KHDRBS3: variants seen among roughly 807,000 people sequenced by gnomAD.
KHDRBS3 encodes the protein KH RNA binding domain containing, signal transduction associated 3.
A neutral mutation model predicts 45.6 loss-of-function variants in KHDRBS3; 23 were observed. The ratio of observed to expected loss-of-function variants is 0.50; its 90% CI spans 0.36 to 0.72. KHDRBS3 has a LOEUF of 0.72. Ranked by LOEUF, KHDRBS3 falls within the 30% of genes least tolerant of loss-of-function variation. The probability of loss-of-function intolerance (pLI) is 0.00; values close to 1 mark genes in which losing one functional copy is unlikely to be tolerated. For missense variants in KHDRBS3, 352 were observed against 424.8 expected, an observed-to-expected ratio of 0.83 and a Z score of 1.51; for synonymous variants, 162 against 156.5, an observed-to-expected ratio of 1.04 and a Z score of -0.26.
intron 7 of KHDRBS3, among the ~76,000 whole-genome samples, chr8:135,624,194 C>G (rs1489027933): frequency 6.6e-6 from 1 of 152,122 alleles, no homozygotes; most frequent in Non-Finnish European, 1.5e-5. Flanking sequence ...GCCAGAGGTC[C>G]AGAAAGAATT....
At chr8:135,557,947 T>C (rs1438873058) in intron 5 of KHDRBS3, among the ~76,000 whole-genome samples, 1 of 152,226 alleles carries the variant, frequency 6.6e-6, no homozygotes, top group Non-Finnish European at 1.5e-5. Flanking sequence ...GTGACACTTA[T>C]TAGCTGATGA....
intron 5 of KHDRBS3, among the ~76,000 whole-genome samples, chr8:135,561,004 C>T (rs964101767): frequency 2.6e-5 from 4 of 152,172 alleles, no homozygotes; most frequent in Non-Finnish European, 5.9e-5. Flanking sequence ...CTTGTTTCTA[C>T]AGTACAATGT....
intron 7 of KHDRBS3, among the ~76,000 whole-genome samples, chr8:135,624,525 C>T (rs1251101122): frequency 6.6e-6 from 1 of 152,206 alleles, no homozygotes; most frequent in Non-Finnish European, 1.5e-5. Context: ...GACTAAAACA[C>T]ATCCTCTGTT....
At chr8:135,536,328 T>C (rs906077363) in intron 2 of KHDRBS3, among the ~76,000 whole-genome samples, 16 of 151,212 alleles carry the variant, frequency 1.1e-4, no homozygotes, top group African/African-American at 3.9e-4. Flanking sequence ...AATGTGCAGT[T>C]CTTGGAGCAC....
intron 4 of KHDRBS3, among the ~76,000 whole-genome samples, chr8:135,555,342 G>A (rs1395402529): frequency 1.3e-5 from 2 of 151,608 alleles, no homozygotes; most frequent in South Asian, 2.1e-4. Flanking sequence ...GCACAAATCC[G>A]TAAACTCTCT....
At chr8:135,655,638 A>G (rs1831517088) in intron 4 of KHDRBS3, among the ~76,000 whole-genome samples, 1 of 152,344 alleles carries the variant, frequency 6.6e-6, no homozygotes, top group South Asian at 2.1e-4. Context: ...TGTGGTATCA[A>G]ACACTTACCT....
At chr8:135,476,246 C>T (rs143638619) in intron 1 of KHDRBS3, among the ~76,000 whole-genome samples, 1 of 152,004 alleles carries the variant, frequency 6.6e-6, no homozygotes, top group African/African-American at 2.4e-5. Context: ...TGGGTTCAAG[C>T]GATTCTCCTG....
chr8:135,615,912 C>T (rs1829895435), intron 7 of KHDRBS3, among the ~76,000 whole-genome samples: 1 of 152,160 alleles, frequency 6.6e-6, no homozygotes. Context: ...GTCTGAGAAG[C>T]AAGACTGAGC....
At chr8:135,570,749 G>A (rs981212964) in intron 5 of KHDRBS3, among the ~76,000 whole-genome samples, 8 of 152,090 alleles carry the variant, frequency 5.3e-5, no homozygotes, top group Non-Finnish European at 8.8e-5. Flanking sequence ...CCTGGCATGA[G>A]TACCCCACAT....
intron 1 of KHDRBS3, among the ~76,000 whole-genome samples, chr8:135,483,041 A>G (rs980062116): frequency 6.6e-6 from 1 of 152,092 alleles, no homozygotes; most frequent in African/African-American, 2.4e-5. Context: ...AGACAATATC[A>G]TTATTTGTTT....
intron 3 of KHDRBS3, among the ~76,000 whole-genome samples, 198 bp from the exon 4 acceptor site, chr8:135,548,556 G>A (rs540795138): frequency 6.6e-6 from 1 of 152,306 alleles, no homozygotes; most frequent in Admixed American, 6.5e-5. Context: ...AAGCCTTTGA[G>A]TGTGTGTAAA....
intron 1 of KHDRBS3, among the ~76,000 whole-genome samples, chr8:135,459,851 GC>G (rs1821341154): frequency 6.6e-6 from 1 of 152,132 alleles, no homozygotes. Flanking sequence ...GGGAAATGTT[GC>G]CATTTAGTGT....
chr8:135,519,962 A>T (rs1824824224), intron 1 of KHDRBS3, among the ~76,000 whole-genome samples: 1 of 152,168 alleles, frequency 6.6e-6, no homozygotes, highest in Non-Finnish European at 1.5e-5. Context: ...AATCTTTCTT[A>T]CTTGTTTTTC....
At chr8:135,603,955 C>A (rs28453695) in intron 6 of KHDRBS3, among the ~76,000 whole-genome samples, 2 of 145,518 alleles carry the variant, frequency 1.4e-5, no homozygotes, top group Admixed American at 6.9e-5. Flanking sequence ...TTTTTTTTTT[C>A]TTTTTTGACC....
intron 4 of KHDRBS3, among the ~76,000 whole-genome samples, chr8:135,652,814 A>G (rs1200487283): frequency 6.6e-6 from 1 of 152,012 alleles, no homozygotes; most frequent in Non-Finnish European, 1.5e-5. Flanking sequence ...CTTTCCTCCC[A>G]CCAGATTGTA....
At chr8:135,565,121 A>G (rs1827349430) in intron 5 of KHDRBS3, among the ~76,000 whole-genome samples, 2 of 152,318 alleles carry the variant, frequency 1.3e-5, no homozygotes, top group South Asian at 2.1e-4. Flanking sequence ...ACTTCAGACC[A>G]GTGGCGGTGG....
chr8:135,652,340 C>T (rs1831446994), downstream of KHDRBS3, among the ~76,000 whole-genome samples: 1 of 152,170 alleles, frequency 6.6e-6, no homozygotes, highest in South Asian at 2.1e-4. Flanking sequence ...CAGTGATTAG[C>T]ATCCATTGCT....
intron 1 of KHDRBS3, among the ~76,000 whole-genome samples, chr8:135,492,760 A>G (rs181911979): frequency 1.1e-4 from 17 of 152,084 alleles, no homozygotes; most frequent in African/African-American, 1.7e-4. Flanking sequence ...TTTGTTTTTC[A>G]TAATTTTCCT....
chr8:135,597,352 A>G (rs1388708125), intron 6 of KHDRBS3, among the ~76,000 whole-genome samples: 1 of 152,178 alleles, frequency 6.6e-6, no homozygotes, highest in Admixed American at 6.5e-5. Flanking sequence ...TTAAGTTTCA[A>G]CATAAATGTT....
Sources: allele counts gnomAD v4.1 joint callset (sites outside exome capture counted in the v4.1 genomes callset), GRCh38; gene constraint gnomAD v4.1.1; transcripts MANE v1.5; gene names NCBI Gene and HGNC (gene_info 2026-07-23, HGNC 2026-07-21).